The following ZNF652 variants were observed in gnomAD, a reference collection of about 807,000 sequenced individuals.
ZNF652 encodes the protein zinc finger protein 652.
ZNF652 carries 16 observed loss-of-function variants against 45.2 expected under a neutral mutation model. The ratio of observed to expected loss-of-function variants is 0.35; its 90% CI spans 0.24 to 0.54. ZNF652 has a LOEUF of 0.54. Ranked by LOEUF, ZNF652 falls within the 20% of genes least tolerant of loss-of-function variation. ZNF652 has a pLI of 0.91. For synonymous variants in ZNF652, 250 were observed against 260.6 expected, an observed-to-expected ratio of 0.96 and a Z score of 0.39; for missense variants, 614 against 765.6, an observed-to-expected ratio of 0.80 and a Z score of 2.34.
chr17:49,356,581 G>T (rs1177350649), intron 1 of ZNF652, among the ~76,000 whole-genome samples: 2 of 151,864 alleles, frequency 1.3e-5, no homozygotes, highest in African/African-American at 4.8e-5. Context: ...TAGCATTAGG[G>T]CTATTATACA....
intron 1 of ZNF652, among the ~76,000 whole-genome samples, chr17:49,336,756 T>C (rs528859145): frequency 6.6e-6 from 1 of 151,858 alleles, no homozygotes; most frequent in South Asian, 2.1e-4. Context: ...CCTCCTGAGT[T>C]GCCGGGATTA....
chr17:49,356,429 C>CAAAAAAAA (rs35374808), intron 1 of ZNF652, among the ~76,000 whole-genome samples: 5 of 42,308 alleles, frequency 1.2e-4, no homozygotes, highest in East Asian at 9.1e-4. Flanking sequence ...ACTCTGTCTG[C>CAAAAAAAA]AAAAAAAAAA....
At chr17:49,299,701 G>T (rs1015836991) in intron 5 of ZNF652, among the ~76,000 whole-genome samples, 7 of 151,886 alleles carry the variant, frequency 4.6e-5, no homozygotes, top group Non-Finnish European at 1.0e-4. Flanking sequence ...TTTTAAACAG[G>T]ATCTTGCTCT....
At chr17:49,304,955 C>A (rs908478054) in intron 5 of ZNF652, among the ~76,000 whole-genome samples, 1 of 151,830 alleles carries the variant, frequency 6.6e-6, no homozygotes, top group South Asian at 2.1e-4. Context: ...TAACTGAAAT[C>A]TTTCTTGAAC....
chr17:49,322,955 G>A (rs941737564), intron 1 of ZNF652, among the ~76,000 whole-genome samples: 1 of 152,164 alleles, frequency 6.6e-6, no homozygotes, highest in Admixed American at 6.5e-5. Context: ...TCATTTTGCC[G>A]ATGGGGGGTC....
intron 2 of ZNF652, 84 bp from the exon 3 acceptor site, chr17:49,312,929 T>C: frequency 7.1e-7 from 1 of 1,417,112 alleles, no homozygotes; most frequent in South Asian, 1.4e-5. Context: ...GGATGTGCTT[T>C]AGGTTCATGG....
rs1198563517 is a variant in ZNF652 at position 49,297,489 on chromosome 17, T to TGG, written c.*922_*923dup. On this transcript the variant is annotated 3_prime_UTR_variant, in exon 6 of 6. Transcript: ENST00000430262. ...TGCACTAACGAAGCCAAGCAGAACA[T>TGG]GGAGGACAGGAGCACATTAGGGAGC... The TGG allele has an allele frequency of 6.6e-6, 1 of 152,432 alleles. No individual in the cohort carries two copies. Among genetic ancestry groups the TGG allele is most frequent in the Non-Finnish European group, 1.5e-5 (1 of 68,030 alleles). 9.4% of individuals were successfully genotyped at this position (152,432 alleles called of 1,614,324 possible). A position where few individuals can be genotyped will look rare whatever the true frequency, so the allele number is the denominator to read the frequency against.
chr17:49,343,994 C>T (rs1169221018), intron 1 of ZNF652, among the ~76,000 whole-genome samples: 1 of 151,944 alleles, frequency 6.6e-6, no homozygotes, highest in Non-Finnish European at 1.5e-5. Flanking sequence ...GTCAGGAGAT[C>T]GAGACCATCC....
intron 1 of ZNF652, among the ~76,000 whole-genome samples, chr17:49,339,196 A>ATTTTTTTTTT (rs766243923): frequency 9.8e-6 from 1 of 101,772 alleles, no homozygotes; most frequent in African/African-American, 4.0e-5. Flanking sequence ...TGAGTTAGGA[A>ATTTTTTTTTT]ATTTTTTTTT....
intron 1 of ZNF652, among the ~76,000 whole-genome samples, chr17:49,318,260 T>C (rs925760974): frequency 2.0e-5 from 3 of 152,134 alleles, no homozygotes; most frequent in Non-Finnish European, 4.4e-5. Flanking sequence ...GTATTTTTAG[T>C]AGAGACGGGG....
intron 4 of ZNF652, among the ~76,000 whole-genome samples, chr17:49,311,662 G>A (rs2069713637): frequency 6.6e-6 from 1 of 152,110 alleles, no homozygotes; most frequent in Non-Finnish European, 1.5e-5. Context: ...AAGTATACTC[G>A]ACTTCTCAGA....
intron 1 of ZNF652, among the ~76,000 whole-genome samples, chr17:49,325,611 G>C (rs935265864): frequency 6.6e-6 from 1 of 151,704 alleles, no homozygotes; most frequent in Non-Finnish European, 1.5e-5. Context: ...AATAAAACAA[G>C]GTAGGCCTTC....
chr17:49,319,373 G>A (rs1327155443), intron 1 of ZNF652, among the ~76,000 whole-genome samples: 1 of 151,228 alleles, frequency 6.6e-6, no homozygotes, highest in African/African-American at 2.4e-5. Flanking sequence ...AGTGGCTCAC[G>A]CCTGTAATCC....
chr17:49,311,855 C>G, intron 4 of ZNF652, 72 bp downstream of exon 4: 2 of 1,300,088 alleles, frequency 1.5e-6, no homozygotes, highest in East Asian at 4.7e-5. Context: ...CAGCACACCT[C>G]TCTCTCACTG....
At chr17:49,337,721 G>A (rs1286851776) in intron 1 of ZNF652, among the ~76,000 whole-genome samples, 6 of 152,082 alleles carry the variant, frequency 3.9e-5, no homozygotes, top group African/African-American at 1.2e-4. Context: ...CCTGAATGCA[G>A]AAATTCCTTT....
intron 1 of ZNF652, among the ~76,000 whole-genome samples, chr17:49,327,452 G>A (rs928298524): frequency 6.6e-6 from 1 of 151,722 alleles, no homozygotes; most frequent in African/African-American, 2.4e-5. Flanking sequence ...GAGCCACTGC[G>A]CCTGGCCTAC....
chr17:49,317,638 C>T lies in ZNF652; in HGVS notation c.88G>A (p.Gly30Ser), dbSNP rs1454528928. The stretch of plus-strand genomic sequence containing the variant: ...TGATAAAAGGAAGATGGCACTTGAC[C>T]ACGACGGCTATCTTCTTGTGCCATT... ...AGMAQEDSRR[G>S]QVPSSFYHGA... The change falls in exon 2 of 6, where the codon GGT (glycine) becomes AGT (serine). Residue 30 changes from glycine (G) to serine (S), a missense_variant. Physicochemically the swap from Gly to Ser is moderately conservative, Grantham distance 56. This residue lies in a region of ZNF652 where 133 missense variants were observed against 132.2 expected (regional missense o/e 1.01). Coordinates refer to ENST00000430262, the MANE Select transcript of ZNF652 (RefSeq NM_001145365.3). 1 of 1,613,744 alleles carries T rather than the reference C, an allele frequency of 6.2e-7. No homozygotes were observed. Among genetic ancestry groups the T allele is most frequent in the African/African-American group, 1.3e-5 (1 of 74,910 alleles).
chr17:49,311,291 C>T lies in ZNF652; in HGVS notation c.1309+21G>A, dbSNP rs541506030. 10 of 1,612,732 alleles carry T rather than the reference C, an allele frequency of 6.2e-6. No individual in the cohort carries two copies. The African/African-American group carries it at 8.0e-5, about 13-fold the overall frequency. Reference sequence around the variant, plus strand: ...ACAAGTGCTTGAGACATTATCTGTACCTTTCCCAAGAAATTCTTACCAGTG... The same window carrying T: ...ACAAGTGCTTGAGACATTATCTGTATCTTTCCCAAGAAATTCTTACCAGTG... On this transcript the variant is annotated intron_variant, in intron 5 of 5. Coordinates refer to ENST00000430262, the MANE Select transcript of ZNF652 (RefSeq NM_001145365.3).
intron 5 of ZNF652, among the ~76,000 whole-genome samples, chr17:49,302,832 C>T (rs372196949): frequency 3.3e-5 from 5 of 151,510 alleles, no homozygotes; most frequent in Admixed American, 1.3e-4. Flanking sequence ...TGTGGTGGCA[C>T]GCACCTGTAG....
Sources: allele counts gnomAD v4.1 joint callset (sites outside exome capture counted in the v4.1 genomes callset), GRCh38; gene constraint gnomAD v4.1.1; regional missense constraint gnomAD v4.1.1; transcripts MANE v1.5; gene names NCBI Gene and HGNC (gene_info 2026-07-23, HGNC 2026-07-21).